The following WNT2B variants were observed in gnomAD, a reference collection of about 807,000 sequenced individuals.
WNT2B encodes the protein protein Wnt-2b.
Under a neutral mutation model 40.5 loss-of-function variants are expected in WNT2B, and 19 were observed. The ratio of observed to expected loss-of-function variants is 0.47; its 90% CI spans 0.33 to 0.69. The LOEUF is 0.69. WNT2B is among the 30% of genes least tolerant of loss of function. The pLI is 0.02. For synonymous variants in WNT2B, 220 were observed against 211.9 expected (o/e 1.04, Z -0.33); for missense variants, 467 against 556.4 (o/e 0.84, Z 1.62).
intron 1 of WNT2B, among the ~76,000 whole-genome samples, chr1:112,500,886 T>TTGTAATTACAAACATACAA (rs1178834054): frequency 6.6e-6 from 1 of 152,242 alleles, no homozygotes; most frequent in Non-Finnish European, 1.5e-5. Flanking sequence ...ACATCTTTCT[T>TTGTAATTACAAACATACAA]ACACTACAAA....
intron 1 of WNT2B, among the ~76,000 whole-genome samples, chr1:112,492,154 AAG>A (rs1280866511): frequency 1.3e-5 from 2 of 152,246 alleles, no homozygotes; most frequent in African/African-American, 4.8e-5. Context: ...CAATATAAAA[AAG>A]ACACTCAAGA....
At chr1:112,501,169 C>G (rs997098015) in intron 1 of WNT2B, among the ~76,000 whole-genome samples, 1 of 152,114 alleles carries the variant, frequency 6.6e-6, no homozygotes, top group African/African-American at 2.4e-5. Flanking sequence ...GTGGAATTTA[C>G]CAGGTGTTTT....
Position 112,523,178 on chromosome 1 carries a change from G to T in WNT2B, c.*2669G>T, listed in dbSNP as rs1652973191. 6.6e-6 allele frequency: 1 copy of T among 152,096 alleles called. No homozygotes were observed. Among genetic ancestry groups the T allele is most frequent in the Non-Finnish European group, 1.5e-5 (1 of 68,030 alleles). The allele number at this position is 152,096 out of a possible 1,614,324, so 9.4% of individuals were successfully genotyped here. On this transcript the variant is annotated 3_prime_UTR_variant, in exon 5 of 5. Coordinates refer to ENST00000369684, the MANE Select transcript of WNT2B (RefSeq NM_024494.3). ...CCTACTCTCTATTCTTTGGTTTTTG[G>T]TTCTCATCCCTGTGGAAGGAAATGG...
rs1030593762 is a variant in WNT2B at position 112,520,922 on chromosome 1, G to A, written c.*413G>A. Reference sequence around the variant, plus strand: ...TTTCTACCTGGCCAAAGTTAGATGGGACAAAGATGAATGGCATGTCCCTTC... The same window carrying A: ...TTTCTACCTGGCCAAAGTTAGATGGAACAAAGATGAATGGCATGTCCCTTC... On this transcript the variant is annotated 3_prime_UTR_variant, in exon 5 of 5. Transcript: ENST00000369684. The A allele has an allele frequency of 4.9e-5, 9 of 183,638 alleles. No homozygotes were observed. The highest frequency in any genetic ancestry group is 3.2e-4 in the Admixed American group (6 of 18,468). The allele number at this position is 183,638 out of a possible 1,614,324, so 11.4% of individuals were successfully genotyped here. A position where few individuals can be genotyped will look rare whatever the true frequency, so the allele number is the denominator to read the frequency against.
At position 112,523,775 on chromosome 1, in the gene WNT2B, A is replaced by C. The variant is rs1653012584; in HGVS notation, c.*3266A>C. 6.6e-6 allele frequency: 1 copy of C among 152,190 alleles called. No individual in the cohort carries two copies. Among genetic ancestry groups the C allele is most frequent in the African/African-American group, 2.4e-5 (1 of 41,448 alleles). 9.4% of individuals were successfully genotyped at this position (152,190 alleles called of 1,614,324 possible). On this transcript the variant is annotated 3_prime_UTR_variant, in exon 5 of 5. Coordinates refer to ENST00000369684, the MANE Select transcript of WNT2B (RefSeq NM_024494.3). ...TTTAGATACAAACTTAAAACATACT[A>C]TATATTTTAAGGATCTAAGAATCCT...
intron 1 of WNT2B, among the ~76,000 whole-genome samples, chr1:112,496,290 A>G (rs578102623): frequency 8.5e-5 from 13 of 152,306 alleles, no homozygotes; most frequent in African/African-American, 2.9e-4. Flanking sequence ...AAGTTTCAAC[A>G]TGAATTTTAG....
At chr1:112,502,981 ACT>A (rs376005430) in intron 1 of WNT2B, among the ~76,000 whole-genome samples, 121 of 152,196 alleles carry the variant, frequency 8.0e-4, no homozygotes, top group East Asian at 7.3e-3. Context: ...CTGCACACAC[ACT>A]CACACACACA....
At chr1:112,476,647 G>A (rs2101052120) in intron 1 of WNT2B, among the ~76,000 whole-genome samples, 1 of 152,276 alleles carries the variant, frequency 6.6e-6, no homozygotes, top group South Asian at 2.1e-4. Context: ...CCACCTGTGG[G>A]AGAAAAGTAG....
chr1:112,508,849 G>T, upstream of WNT2B: 2 of 1,000,914 alleles, frequency 2.0e-6, no homozygotes, highest in Non-Finnish European at 2.4e-6. The surrounding 1 kb of genome is among the most constrained non-coding windows in gnomAD (Gnocchi z 4.2). Flanking sequence ...CACCTAGGGC[G>T]TCGCGGAGCG....
intron 1 of WNT2B, among the ~76,000 whole-genome samples, chr1:112,478,928 A>G (rs1288452495): frequency 1.3e-5 from 2 of 152,074 alleles, no homozygotes; most frequent in African/African-American, 2.4e-5. Context: ...GTCTATAAAA[A>G]TAAAACTAAA....
At chr1:112,486,158 C>CACA (rs56037560) in intron 1 of WNT2B, among the ~76,000 whole-genome samples, 1 of 151,182 alleles carries the variant, frequency 6.6e-6, no homozygotes, top group Non-Finnish European at 1.5e-5. Context: ...CACACACACA[C>CACA]CAGGCTGGGT....
chr1:112,512,198 G>A (rs561067841), intron 1 of WNT2B, among the ~76,000 whole-genome samples: 2 of 152,330 alleles, frequency 1.3e-5, no homozygotes, highest in African/African-American at 4.8e-5. Flanking sequence ...GTTAATGGCT[G>A]GCTAGAGGGA....
intron 1 of WNT2B, among the ~76,000 whole-genome samples, chr1:112,502,407 C>T (rs1651988946): frequency 6.6e-6 from 1 of 152,232 alleles, no homozygotes; most frequent in Non-Finnish European, 1.5e-5. Context: ...AGACAAGCAG[C>T]GATAAACAGC....
At chr1:112,484,676 G>T (rs1040639463) in intron 1 of WNT2B, among the ~76,000 whole-genome samples, 1 of 151,542 alleles carries the variant, frequency 6.6e-6, no homozygotes, top group East Asian at 1.9e-4. Context: ...TGAGGTGGGA[G>T]GATTGCTTGA....
chr1:112,477,702 A>G (rs1025370985), intron 1 of WNT2B, among the ~76,000 whole-genome samples: 1 of 152,194 alleles, frequency 6.6e-6, no homozygotes, highest in Admixed American at 6.5e-5. Context: ...AAATAACCAA[A>G]CAAATTATGG....
intron 1 of WNT2B, among the ~76,000 whole-genome samples, chr1:112,512,827 C>T (rs1652402061): frequency 6.6e-6 from 1 of 152,202 alleles, no homozygotes; most frequent in Non-Finnish European, 1.5e-5. Context: ...GGGCTGACTA[C>T]TGGAGAGCAA....
chr1:112,521,623 C>T lies in WNT2B; in HGVS notation c.*1114C>T, dbSNP rs1249312758. 1 of 152,228 alleles carries T rather than the reference C, an allele frequency of 6.6e-6. No homozygotes were observed. The highest frequency in any genetic ancestry group is 2.4e-5 in the African/African-American group (1 of 41,428). The allele number at this position is 152,228 out of a possible 1,614,324, so 9.4% of individuals were successfully genotyped here. On this transcript the variant is annotated 3_prime_UTR_variant, in exon 5 of 5. Coordinates refer to ENST00000369684, the MANE Select transcript of WNT2B (RefSeq NM_024494.3). ...AGTGATACACAGCTTAGAAGGCAGC[C>T]TTCCTCCACTTACTCAACAAATCTT...
At position 112,526,155 on chromosome 1, in the gene WNT2B, G is replaced by A. The variant is rs1371036575; in HGVS notation, c.*5646G>A. The A allele has an allele frequency of 5.0e-6, 8 of 1,612,852 alleles. No individual in the cohort carries two copies. The highest frequency in any genetic ancestry group is 6.8e-6 in the Non-Finnish European group (8 of 1,179,574). ...TACAAAATGTTCAAGCCCTGTAGGAGTCCCAGGACAGCCAAGAGAGTATAT... is the reference window on the plus strand; with the variant it reads ...TACAAAATGTTCAAGCCCTGTAGGAATCCCAGGACAGCCAAGAGAGTATAT... On this transcript the variant is annotated 3_prime_UTR_variant, in exon 5 of 5. Transcript: ENST00000369684.
chr1:112,497,058 G>T (rs750078529), intron 1 of WNT2B, among the ~76,000 whole-genome samples: 1 of 152,186 alleles, frequency 6.6e-6, no homozygotes, highest in Non-Finnish European at 1.5e-5. Context: ...TCCCACAAGC[G>T]TTGGGCCCCC....
Sources: gnomAD v4.1 joint callset for allele counts (sites outside exome capture counted in the v4.1 genomes callset) on GRCh38, gnomAD v4.1.1 for gene constraint, Gnocchi (gnomAD v3.1) non-coding constraint, MANE v1.5 for transcripts, NCBI Gene and HGNC (gene_info 2026-07-23, HGNC 2026-07-21) for gene names.